The following INSYN2B variants were observed in gnomAD, a reference collection of about 807,000 sequenced individuals.
The protein encoded by INSYN2B is inhibitory synaptic factor family member 2B.
INSYN2B carries 16 observed loss-of-function variants against 41.2 expected under a neutral mutation model. The observed-to-expected ratio is 0.39, with a 90% CI of 0.26 to 0.59. INSYN2B has a LOEUF of 0.59. Among genes scored for constraint, INSYN2B ranks in the 20% least tolerant of loss-of-function variants. The pLI, the probability that INSYN2B is intolerant of heterozygous loss-of-function variation, is 0.57. For missense variants in INSYN2B, 608 were observed against 646.4 expected (o/e 0.94, Z 0.64); for synonymous variants, 245 against 244.4 (o/e 1.00, Z -0.02).
At chr5:169,874,052 C>T (rs952374297) in intron 3 of INSYN2B, among the ~76,000 whole-genome samples, 1 of 152,068 alleles carries the variant, frequency 6.6e-6, no homozygotes, top group Non-Finnish European at 1.5e-5. Flanking sequence ...ATCTCCTTTA[C>T]AGAATCCATA....
At position 169,971,917 on chromosome 5, in the gene INSYN2B, C is replaced by G. The variant is rs112666085; in HGVS notation, c.-919+8360G>C. Among the ~76,000 whole-genome samples, 86 of 152,310 alleles carry G rather than the reference C, an allele frequency of 5.6e-4. 1 individual carries two copies. Among genetic ancestry groups the G allele is most frequent in the African/African-American group, 2.0e-3 (82 of 41,576 alleles). On this transcript the variant is annotated intron_variant, in intron 1 of 3. Coordinates refer to ENST00000377365, the MANE Select transcript of INSYN2B (RefSeq NM_001129891.3). ...TGCCACTTTCCTCATCCTGTTCCAA[C>G]ATATAAATATGAAGCAGCAATTTCT...
At chr5:169,926,015 C>G (rs1481618596) in intron 1 of INSYN2B, among the ~76,000 whole-genome samples, 2 of 152,108 alleles carry the variant, frequency 1.3e-5, no homozygotes, top group Non-Finnish European at 2.9e-5. Flanking sequence ...CATTCCATGG[C>G]AGGATGTCGT....
intron 1 of INSYN2B, among the ~76,000 whole-genome samples, chr5:169,922,651 C>T (rs1311616642): frequency 6.6e-6 from 1 of 152,180 alleles, no homozygotes; most frequent in African/African-American, 2.4e-5. Flanking sequence ...ATTTATAGTG[C>T]TCAGAGAGGT....
intron 1 of INSYN2B, among the ~76,000 whole-genome samples, chr5:169,918,316 T>C (rs1447008634): frequency 6.6e-6 from 1 of 152,244 alleles, no homozygotes; most frequent in Non-Finnish European, 1.5e-5. Flanking sequence ...AATTATACTC[T>C]GCCTATATAT....
chr5:169,939,199 C>A (rs995557768), intron 1 of INSYN2B, among the ~76,000 whole-genome samples: 3 of 144,134 alleles, frequency 2.1e-5, no homozygotes, highest in African/African-American at 7.8e-5. Context: ...CCACTGTGCC[C>A]GGCCTTTTTT....
At chr5:169,942,117 G>A (rs1237399498) in intron 1 of INSYN2B, among the ~76,000 whole-genome samples, 1 of 152,172 alleles carries the variant, frequency 6.6e-6, no homozygotes, top group Non-Finnish European at 1.5e-5. Flanking sequence ...CTTTTCCAAG[G>A]TATCAGGAAG....
At position 169,979,099 on chromosome 5, in the gene INSYN2B, C is replaced by T. The variant is rs1314951583; in HGVS notation, c.-919+1178G>A. On this transcript the variant is annotated intron_variant, in intron 1 of 3. Transcript: ENST00000377365. ...ATATGTCGATTACAGAATTTCTGCC[C>T]GGGATGAAAAGAGGGGGATTCTTGC... Among the ~76,000 whole-genome samples, 6 of 152,086 alleles carry T rather than the reference C, an allele frequency of 3.9e-5. No homozygotes were observed. In the East Asian group the frequency reaches 5.8e-4, roughly 15 times the overall value.
At chr5:169,893,198 A>G (rs1039771360) in intron 1 of INSYN2B, among the ~76,000 whole-genome samples, 2 of 152,192 alleles carry the variant, frequency 1.3e-5, no homozygotes, top group African/African-American at 4.8e-5. Context: ...CCCTGTAGGG[A>G]CAATTCTGTG....
chr5:169,925,588 A>AAG, intron 1 of INSYN2B, among the ~76,000 whole-genome samples: 1 of 150,386 alleles, frequency 6.6e-6, no homozygotes, highest in East Asian at 1.9e-4. Flanking sequence ...TTAAAAAAAA[A>AAG]AAAAAAAAAA....
chr5:169,920,864 A>ACAGG (rs10681452), intron 1 of INSYN2B, among the ~76,000 whole-genome samples: 62,096 of 151,996 alleles, frequency 0.41, 13,514 homozygotes, highest in African/African-American at 0.57. Context: ...GGACACCTGT[A>ACAGG]TCTCCTCCAA....
At chr5:169,873,894 C>T (rs1251371041) in intron 3 of INSYN2B, among the ~76,000 whole-genome samples, 1 of 152,154 alleles carries the variant, frequency 6.6e-6, no homozygotes, top group Non-Finnish European at 1.5e-5. Context: ...GAAGCCCTTG[C>T]TTTTCTCTTG....
chr5:169,892,656 A>C (rs1038495148), intron 1 of INSYN2B, among the ~76,000 whole-genome samples: 1 of 152,144 alleles, frequency 6.6e-6, no homozygotes, highest in Non-Finnish European at 1.5e-5. Context: ...ACCCAGGGAG[A>C]TATGACTACC....
chr5:169,968,212 C>T (rs574086840), intron 1 of INSYN2B, among the ~76,000 whole-genome samples: 3 of 152,306 alleles, frequency 2.0e-5, no homozygotes, highest in Admixed American at 6.5e-5. Flanking sequence ...GTTGTTTCAG[C>T]TTGTAATATG....
At chr5:169,935,997 A>C (rs1393070498) in intron 1 of INSYN2B, among the ~76,000 whole-genome samples, 1 of 152,082 alleles carries the variant, frequency 6.6e-6, no homozygotes, top group African/African-American at 2.4e-5. Context: ...AGTTAACATA[A>C]ATTTTTTCTT....
At chr5:169,964,329 C>A (rs1777212750) in intron 1 of INSYN2B, among the ~76,000 whole-genome samples, 1 of 152,184 alleles carries the variant, frequency 6.6e-6, no homozygotes, top group Non-Finnish European at 1.5e-5. Context: ...GCTCCCACCC[C>A]CAAGCTCAGA....
chr5:169,937,423 T>C (rs1014544603), intron 1 of INSYN2B, among the ~76,000 whole-genome samples: 2 of 152,220 alleles, frequency 1.3e-5, no homozygotes, highest in Admixed American at 6.5e-5. Context: ...ATAGGGATGA[T>C]ACAAAGACTA....
At chr5:169,974,927 A>T (rs1777663238) in intron 1 of INSYN2B, among the ~76,000 whole-genome samples, 1 of 152,030 alleles carries the variant, frequency 6.6e-6, no homozygotes, top group African/African-American at 2.4e-5. Flanking sequence ...ATCCTGAATG[A>T]TAACCCCTCT....
chr5:169,934,283 G>T (rs1257078349), intron 1 of INSYN2B, among the ~76,000 whole-genome samples: 1 of 152,172 alleles, frequency 6.6e-6, no homozygotes, highest in Non-Finnish European at 1.5e-5. Flanking sequence ...ATTTACCCGG[G>T]AAGACTTCTC....
chr5:169,949,191 C>G (rs1409444248), intron 1 of INSYN2B, among the ~76,000 whole-genome samples: 1 of 152,198 alleles, frequency 6.6e-6, no homozygotes, highest in Non-Finnish European at 1.5e-5. Context: ...TCCTGATTAT[C>G]AATTCAACTC....
Sources: allele counts gnomAD v4.1 joint callset (sites outside exome capture counted in the v4.1 genomes callset), GRCh38; gene constraint gnomAD v4.1.1; transcripts MANE v1.5; gene names NCBI Gene and HGNC (gene_info 2026-07-23, HGNC 2026-07-21).